GPC5: variants seen among roughly 807,000 people sequenced by gnomAD.
GPC5 encodes the protein glypican-5.
Under a neutral mutation model 53.9 loss-of-function variants are expected in GPC5, and 47 were observed. The ratio of observed to expected loss-of-function variants is 0.87; its 90% CI spans 0.69 to 1.11. The LOEUF (loss-of-function observed/expected upper bound fraction) is 1.11. Ranked by LOEUF, GPC5 falls within the 50% of genes most tolerant of loss-of-function variation. The probability of loss-of-function intolerance (pLI) is 0.00; values close to 1 mark genes in which losing one functional copy is unlikely to be tolerated. For missense variants in GPC5, 748 were observed against 713.1 expected (o/e 1.05, Z -0.56); for synonymous variants, 286 against 263.3 (o/e 1.09, Z -0.84).
intron 3 of GPC5, among the ~76,000 whole-genome samples, chr13:91,708,349 G>A (rs2036153944): frequency 1.3e-5 from 2 of 151,978 alleles, no homozygotes; most frequent in Admixed American, 1.3e-4. Flanking sequence ...TCGGAGTCCA[G>A]AAAGCTGATG....
At chr13:91,729,851 C>A (rs767391296) in intron 4 of GPC5, among the ~76,000 whole-genome samples, 1 of 152,082 alleles carries the variant, frequency 6.6e-6, no homozygotes, top group East Asian at 1.9e-4. Context: ...AGTTGGAAAA[C>A]AAAACAAAAC....
chr13:92,755,740 T>C (rs2139332133), intron 7 of GPC5, among the ~76,000 whole-genome samples: 1 of 139,590 alleles, frequency 7.2e-6, no homozygotes, highest in South Asian at 2.6e-4. Context: ...AAGAAATGGA[T>C]AAATTCCTCG....
chr13:92,265,350 C>T (rs2042795961), intron 7 of GPC5, among the ~76,000 whole-genome samples: 1 of 152,088 alleles, frequency 6.6e-6, no homozygotes, highest in Non-Finnish European at 1.5e-5. Flanking sequence ...ATTTCTTTCT[C>T]CAGATAGTTT....
At chr13:91,572,113 GTATATATACGTGTGTA>G (rs2031911726) in intron 2 of GPC5, among the ~76,000 whole-genome samples, 1 of 119,624 alleles carries the variant, frequency 8.4e-6, no homozygotes, top group Non-Finnish European at 1.8e-5. Flanking sequence ...ATACACACAT[GTATATATACGTGTGTA>G]TATACACATA....
At chr13:92,518,149 T>G (rs544873216) in intron 7 of GPC5, among the ~76,000 whole-genome samples, 4 of 152,142 alleles carry the variant, frequency 2.6e-5, no homozygotes, top group Non-Finnish European at 5.9e-5. Context: ...AATCTACGTC[T>G]GATTGTTGTC....
chr13:92,579,092 A>G (rs1170063097), intron 7 of GPC5, among the ~76,000 whole-genome samples: 1 of 152,198 alleles, frequency 6.6e-6, no homozygotes, highest in Non-Finnish European at 1.5e-5. Context: ...CAAAATTAAT[A>G]TTCTTCAATC....
At chr13:92,519,058 C>T (rs963675460) in intron 7 of GPC5, among the ~76,000 whole-genome samples, 4 of 152,178 alleles carry the variant, frequency 2.6e-5, no homozygotes, top group Admixed American at 6.5e-5. Context: ...GTAAAGGAAT[C>T]AATTCAACAA....
intron 7 of GPC5, among the ~76,000 whole-genome samples, chr13:92,799,199 G>A (rs1366466626): frequency 4.0e-5 from 6 of 151,662 alleles, no homozygotes; most frequent in Non-Finnish European, 1.5e-5. Context: ...TGGCCTTATG[G>A]TTAATTTCAC....
intron 5 of GPC5, among the ~76,000 whole-genome samples, chr13:91,893,901 T>C (rs1455845722): frequency 6.6e-6 from 1 of 151,966 alleles, no homozygotes; most frequent in Non-Finnish European, 1.5e-5. Flanking sequence ...TGCTGGTCTA[T>C]TTTACTTAAC....
At chr13:91,940,765 A>G (rs1379912392) in intron 6 of GPC5, among the ~76,000 whole-genome samples, 2 of 151,802 alleles carry the variant, frequency 1.3e-5, no homozygotes, top group Non-Finnish European at 2.9e-5. Flanking sequence ...GCATTTTTTC[A>G]TGTGTTTATT....
intron 7 of GPC5, among the ~76,000 whole-genome samples, chr13:92,740,378 GTC>G (rs984459312): frequency 6.6e-6 from 1 of 151,948 alleles, no homozygotes; most frequent in Non-Finnish European, 1.5e-5. Flanking sequence ...ATTTGCTTTT[GTC>G]TCTCTCATGC....
chr13:92,573,798 T>C (rs1338329202), intron 7 of GPC5, among the ~76,000 whole-genome samples: 1 of 152,154 alleles, frequency 6.6e-6, no homozygotes, highest in Non-Finnish European at 1.5e-5. Context: ...GCCCTCCCAA[T>C]GTGGACACTG....
chr13:92,559,977 T>C (rs1882642586), intron 7 of GPC5, among the ~76,000 whole-genome samples: 1 of 151,218 alleles, frequency 6.6e-6, no homozygotes, highest in Non-Finnish European at 1.5e-5. Context: ...CAGAAGAGGC[T>C]CTGGATTCAT....
intron 6 of GPC5, among the ~76,000 whole-genome samples, chr13:92,020,057 G>T (rs913128661): frequency 3.3e-5 from 5 of 152,012 alleles, no homozygotes; most frequent in Non-Finnish European, 7.4e-5. Context: ...ATCTTCTAGA[G>T]ACCACTCATA....
chr13:92,548,878 C>T (rs976971264), intron 7 of GPC5, among the ~76,000 whole-genome samples: 1 of 151,740 alleles, frequency 6.6e-6, no homozygotes, highest in African/African-American at 2.4e-5. Flanking sequence ...TCATGTGCCG[C>T]ATAAATACAT....
chr13:91,769,584 A>G (rs1594545511), intron 5 of GPC5, among the ~76,000 whole-genome samples: 3 of 152,180 alleles, frequency 2.0e-5, no homozygotes, highest in South Asian at 2.1e-4. Flanking sequence ...ATCATGCTTC[A>G]TGTGTCTAAG....
chr13:92,675,700 G>A (rs775396133), intron 7 of GPC5, among the ~76,000 whole-genome samples: 2 of 151,924 alleles, frequency 1.3e-5, no homozygotes, highest in African/African-American at 2.4e-5. Context: ...TACTTAGCAC[G>A]TGCTTTAATA....
intron 6 of GPC5, among the ~76,000 whole-genome samples, chr13:92,006,664 A>T (rs546287818): frequency 6.6e-6 from 1 of 152,160 alleles, no homozygotes; most frequent in South Asian, 2.1e-4. Context: ...TCCTTGACCT[A>T]CCAAGATCTT....
intron 5 of GPC5, 141 bp from the exon 6 acceptor site, chr13:91,907,791 AGCTGT>A (rs1452287486): frequency 4.4e-6 from 3 of 684,036 alleles, no homozygotes; most frequent in Non-Finnish European, 7.1e-6. Flanking sequence ...AAAACATTAC[AGCTGT>A]GCCAGTTTCT....
Sources: gnomAD v4.1 joint callset for allele counts (sites outside exome capture counted in the v4.1 genomes callset) on GRCh38, gnomAD v4.1.1 for gene constraint, MANE v1.5 for transcripts, NCBI Gene and HGNC (gene_info 2026-07-23, HGNC 2026-07-21) for gene names.